ERLEC1: variants seen among roughly 807,000 people sequenced by gnomAD.
The protein encoded by ERLEC1 is ER lectin.
In ERLEC1, 47 loss-of-function variants were observed where a neutral mutation model predicts 68.0. That is an observed-to-expected ratio of 0.69 (90% confidence interval 0.55 to 0.88). ERLEC1 has a LOEUF of 0.88. ERLEC1 is among the 40% of genes least tolerant of loss of function. The pLI, the probability that ERLEC1 is intolerant of heterozygous loss-of-function variation, is 0.00. For missense variants in ERLEC1, 567 were observed against 583.8 expected, an observed-to-expected ratio of 0.97 and a Z score of 0.30; for synonymous variants, 225 against 203.2, an observed-to-expected ratio of 1.11 and a Z score of -0.91.
intron 13 of ERLEC1, among the ~76,000 whole-genome samples, chr2:53,815,635 T>C (rs552890895): frequency 6.6e-6 from 1 of 152,342 alleles, no homozygotes; most frequent in East Asian, 1.9e-4. Context: ...TTTGTCTCTT[T>C]TTTGGATTCC....
intron 13 of ERLEC1, 51 bp from the exon 14 acceptor site, chr2:53,817,847 G>A: frequency 2.7e-6 from 3 of 1,110,404 alleles, no homozygotes; most frequent in Non-Finnish European, 4.2e-6. Flanking sequence ...GAATAGTACT[G>A]AAAAGTATTC....
rs1467126281 is a variant in ERLEC1 at position 53,812,981 on chromosome 2, C to T, written c.1134C>T (p.Val378=). The T allele has an allele frequency of 7.4e-6, 12 of 1,613,008 alleles. No homozygotes were observed. The East Asian group carries it at 8.9e-5, about 12-fold the overall frequency. The stretch of plus-strand genomic sequence containing the variant: ...ATAGTGGGAAAACCTCTGTGGTTGT[C>T]GGGACATGGAACCAAGAAGAGCATA... The part of the protein sequence containing the change: ...DKDSGKTSVV[V]GTWNQEEHIE... The change falls in exon 11 of 14, where the codon GTC becomes GTT. Residue 378 remains valine, a synonymous_variant. Coordinates refer to ENST00000185150, the MANE Select transcript of ERLEC1 (RefSeq NM_015701.5).
Position 53,797,501 on chromosome 2 carries a change from T to G in ERLEC1, c.349-14T>G, listed in dbSNP as rs1224113938. 1 of 1,596,092 alleles carries G rather than the reference T, an allele frequency of 6.3e-7. No homozygotes were observed. The highest frequency in any genetic ancestry group is 8.6e-7 in the Non-Finnish European group (1 of 1,169,278). ...TGTGGCTTTTGTGCATTGAAATATATCCATCTTTTTTAGATTGAGTCTTAT... is the reference window on the plus strand; with the variant it reads ...TGTGGCTTTTGTGCATTGAAATATAGCCATCTTTTTTAGATTGAGTCTTAT... On this transcript the variant is annotated splice_polypyrimidine_tract_variant and intron_variant, in intron 3 of 13. Coordinates refer to ENST00000185150, the MANE Select transcript of ERLEC1 (RefSeq NM_015701.5).
At chr2:53,813,753 G>A (rs746021232) in intron 11 of ERLEC1, among the ~76,000 whole-genome samples, 3 of 151,654 alleles carry the variant, frequency 2.0e-5, no homozygotes, top group Non-Finnish European at 4.4e-5. Flanking sequence ...GACTTTTCGG[G>A]CTGATAAAAG....
Position 53,808,403 on chromosome 2 carries a change from A to C in ERLEC1, c.984A>C (p.Lys328Asn), listed in dbSNP as rs1418153178. Reference sequence around the variant, plus strand: ...CTGTTGGGACAACCCACATATCCAAATTGACAGATGACCAACTCATAAAAG... The same window carrying C: ...CTGTTGGGACAACCCACATATCCAACTTGACAGATGACCAACTCATAAAAG... ...VLTVGTTHIS[K>N]LTDDQLIKEF... Residue 328 changes from lysine to asparagine, a missense_variant, in exon 9 of 14, where the codon AAA becomes AAC. Coordinates refer to ENST00000185150, the MANE Select transcript of ERLEC1 (RefSeq NM_015701.5). 6.2e-7 allele frequency: 1 copy of C among 1,614,170 alleles called. No individual in the cohort carries two copies. The highest frequency in any genetic ancestry group is 8.5e-7 in the Non-Finnish European group (1 of 1,180,016).
intron 8 of ERLEC1, among the ~76,000 whole-genome samples, chr2:53,806,682 A>G (rs1235012852): frequency 2.6e-5 from 4 of 152,220 alleles, no homozygotes; most frequent in Non-Finnish European, 5.9e-5. Flanking sequence ...TGACTCATAC[A>G]AGCTGAAGTA....
chr2:53,814,724 A>G, intron 12 of ERLEC1, 104 bp downstream of exon 12: 1 of 1,009,376 alleles, frequency 9.9e-7, no homozygotes, highest in Middle Eastern at 2.6e-4. Context: ...TTATGAAAGT[A>G]TACCATTTAA....
chr2:53,818,196 G>A lies in ERLEC1; in HGVS notation c.*227G>A. ...TCATTTTTGTTGTGTCTTATAAACT[G>A]ACTGTTTTTCTTTGCTTGGATACTG... On this transcript the variant is annotated 3_prime_UTR_variant, in exon 14 of 14. Transcript: ENST00000185150. 1 of 350,450 alleles carries A rather than the reference G, an allele frequency of 2.9e-6. No individual in the cohort carries two copies. The highest frequency in any genetic ancestry group is 5.2e-6 in the Non-Finnish European group (1 of 192,220). The allele number at this position is 350,450 out of a possible 1,614,324, so 21.7% of individuals were successfully genotyped here.
intron 8 of ERLEC1, among the ~76,000 whole-genome samples, 196 bp from the exon 9 acceptor site, chr2:53,808,103 T>C (rs1291663975): frequency 2.0e-5 from 3 of 152,062 alleles, no homozygotes; most frequent in African/African-American, 7.2e-5. Context: ...TCGTAACTGA[T>C]AGATGGAACT....
rs779946970 is a variant in ERLEC1 at position 53,817,916 on chromosome 2, T to C, written c.1399T>C (p.Cys467Arg). 1.2e-6 allele frequency: 2 copies of C among 1,607,788 alleles called. No individual in the cohort carries two copies. Among genetic ancestry groups the C allele is most frequent in the Admixed American group, 3.3e-5 (2 of 60,010 alleles). ...YILGVESPVI[C>R]KILDTADENG... ...TCTTTAGGTTGAATCTCCAGTGATC[T>C]GTAAAATCTTAGATACAGCAGATGA... is the stretch of plus-strand genomic sequence containing the variant. The change falls in exon 14 of 14, where the codon TGT becomes CGT. Residue 467 changes from cysteine (C) to arginine (R), a missense_variant. Transcript: ENST00000185150.
At chr2:53,805,312 G>A (rs1026099343) in intron 8 of ERLEC1, among the ~76,000 whole-genome samples, 1 of 151,964 alleles carries the variant, frequency 6.6e-6, no homozygotes, top group African/African-American at 2.4e-5. Context: ...ATGAGCCACC[G>A]CACCCAGCTA....
rs186332641 is a variant in ERLEC1 at position 53,789,319 on chromosome 2, G to A, written c.162+1947G>A. 7.9e-4 allele frequency among the ~76,000 whole-genome samples: 119 copies of A among 150,114 alleles called. 4 individuals carry two copies. The East Asian group carries it at 0.019, about 24-fold the overall frequency. ...CGAGGCAGGAGAATCGCTTAAACCC[G>A]GGAGGTGGAGGTTGCACTGAGCCAA... On this transcript the variant is annotated intron_variant, in intron 1 of 13. Transcript: ENST00000185150.
At position 53,796,791 on chromosome 2, in the gene ERLEC1, T is replaced by C. The variant is rs184823654; in HGVS notation, c.349-724T>C. Among the ~76,000 whole-genome samples, 17 of 152,224 alleles carry C rather than the reference T, an allele frequency of 1.1e-4. No homozygotes were observed. In the Middle Eastern group the frequency reaches 0.02, roughly 183 times the overall value. On this transcript the variant is annotated intron_variant, in intron 3 of 13. Transcript: ENST00000185150. ...TATCTTATTCATTTAAATTCCTGTC[T>C]AGTGTATGCAGCAGATACCCAATAA...
intron 11 of ERLEC1, among the ~76,000 whole-genome samples, chr2:53,814,149 G>A (rs907769173): frequency 6.6e-6 from 1 of 152,134 alleles, no homozygotes; most frequent in African/African-American, 2.4e-5. Context: ...AGTGCCTAAC[G>A]AACAGTATTT....
At chr2:53,790,815 A>G (rs892867458) in intron 1 of ERLEC1, among the ~76,000 whole-genome samples, 2 of 152,250 alleles carry the variant, frequency 1.3e-5, no homozygotes, top group East Asian at 1.9e-4. Flanking sequence ...ACTAGAGTTA[A>G]TAATTATGAT....
chr2:53,810,451 CTG>C (rs1221494168), intron 10 of ERLEC1, among the ~76,000 whole-genome samples: 1 of 152,152 alleles, frequency 6.6e-6, no homozygotes, highest in Non-Finnish European at 1.5e-5. Flanking sequence ...TGCTTAAATT[CTG>C]AGGTTCAAGT....
intron 6 of ERLEC1, among the ~76,000 whole-genome samples, chr2:53,799,959 G>A (rs1675919817): frequency 6.6e-6 from 1 of 152,116 alleles, no homozygotes; most frequent in South Asian, 2.1e-4. Context: ...GATAAAGGAA[G>A]AGGAAGAAAA....
At chr2:53,795,058 C>A (rs950891967) in intron 2 of ERLEC1, among the ~76,000 whole-genome samples, 1 of 152,150 alleles carries the variant, frequency 6.6e-6, no homozygotes, top group African/African-American at 2.4e-5. Context: ...GTATATGTGA[C>A]TTTTTAAATA....
At position 53,787,139 on chromosome 2, in the gene ERLEC1, C is replaced by T. The variant is rs1036516122; in HGVS notation, c.-72C>T. 27 of 1,085,792 alleles carry T rather than the reference C, an allele frequency of 2.5e-5. No individual in the cohort carries two copies. Among genetic ancestry groups the T allele is most frequent in the Admixed American group, 1.0e-4 (3 of 28,616 alleles). The allele number at this position is 1,085,792 out of a possible 1,614,324, so 67.3% of individuals were successfully genotyped here. A position where few individuals can be genotyped will look rare whatever the true frequency, so the allele number is the denominator to read the frequency against. ...ATAGTCCCGCCGCCTCCTCCTCCAC[C>T]TCCTCCTCCTCCTCCTCTCCTCCTG... On this transcript the variant is annotated 5_prime_UTR_variant, in exon 1 of 14. Coordinates refer to ENST00000185150, the MANE Select transcript of ERLEC1 (RefSeq NM_015701.5).
Sources: allele counts gnomAD v4.1 joint callset (sites outside exome capture counted in the v4.1 genomes callset), GRCh38; gene constraint gnomAD v4.1.1; transcripts MANE v1.5; gene names NCBI Gene and HGNC (gene_info 2026-07-23, HGNC 2026-07-21).